SLC8A1: variants seen among roughly 807,000 people sequenced by gnomAD.
SLC8A1 encodes the protein solute carrier family 8 member A1.
A neutral mutation model predicts 68.3 loss-of-function variants in SLC8A1; 18 were observed. The ratio of observed to expected loss-of-function variants is 0.26; its 90% CI spans 0.18 to 0.39. The LOEUF is 0.39. Among genes scored for constraint, SLC8A1 ranks in the 10% least tolerant of loss-of-function variants. The pLI is 1.00. For missense variants in SLC8A1, 985 were observed against 1,156.7 expected, an observed-to-expected ratio of 0.85 and a Z score of 2.15; for synonymous variants, 475 against 415.5, an observed-to-expected ratio of 1.14 and a Z score of -1.74.
chr2:40,118,090 G>T (rs1202677467), intron 7 of SLC8A1, among the ~76,000 whole-genome samples: 1 of 152,172 alleles, frequency 6.6e-6, no homozygotes, highest in African/African-American at 2.4e-5. Context: ...ATGCTACACA[G>T]GCAACGTGTG....
chr2:40,439,966 T>G (rs549136828), intron 1 of SLC8A1, among the ~76,000 whole-genome samples: 2 of 152,284 alleles, frequency 1.3e-5, no homozygotes, highest in African/African-American at 4.8e-5. Context: ...ATTACAATAT[T>G]GTATAGTATA....
intron 2 of SLC8A1, among the ~76,000 whole-genome samples, chr2:40,252,693 G>A (rs1178603714): frequency 6.6e-6 from 1 of 151,874 alleles, no homozygotes; most frequent in East Asian, 1.9e-4. Flanking sequence ...CATAAAAGTT[G>A]CTTGCTTAGA....
chr2:40,103,540 C>A (rs1337289569), exon 8 of SLC8A1: 1 of 152,142 alleles, frequency 6.6e-6, no homozygotes. Context: ...AATTCACATA[C>A]TTTAGTAAAA....
intron 7 of SLC8A1, among the ~76,000 whole-genome samples, 153 bp downstream of exon 10, chr2:40,139,248 G>C (rs1232240314): frequency 6.6e-6 from 1 of 152,134 alleles, no homozygotes; most frequent in African/African-American, 2.4e-5. Context: ...CCATGACAAT[G>C]TTCCGGCAGT....
chr2:40,146,961 C>T lies in SLC8A1; in HGVS notation c.2162-7285G>A, dbSNP rs2042586273. On this transcript the variant is annotated intron_variant, in intron 6 of 7. Coordinates refer to ENST00000406785, the Ensembl canonical transcript of SLC8A1. ...AAGGCAACTCACTCTCTGTTAATAACTTTCAAACCTGGCTGAAATGAATGA... is the reference window on the plus strand; with the variant it reads ...AAGGCAACTCACTCTCTGTTAATAATTTTCAAACCTGGCTGAAATGAATGA... Among the ~76,000 whole-genome samples the T allele has an allele frequency of 2.6e-5, 4 of 152,162 alleles. No homozygotes were observed. In the South Asian group the frequency reaches 8.3e-4, roughly 32 times the overall value.
intron 2 of SLC8A1, among the ~76,000 whole-genome samples, chr2:40,290,061 G>A (rs2069016870): frequency 6.6e-6 from 1 of 151,950 alleles, no homozygotes; most frequent in African/African-American, 2.4e-5. Context: ...AATGACATAA[G>A]TCAATTTGGC....
intron 2 of SLC8A1, among the ~76,000 whole-genome samples, chr2:40,300,445 A>AT (rs1274277091): frequency 6.6e-6 from 1 of 152,168 alleles, no homozygotes; most frequent in African/African-American, 2.4e-5. Context: ...GTTCCATTCC[A>AT]TAAAAAAAAA....
intron 2 of SLC8A1, among the ~76,000 whole-genome samples, chr2:40,402,083 C>T (rs190407418): frequency 8.5e-4 from 130 of 152,222 alleles, no homozygotes; most frequent in East Asian, 3.9e-4. Flanking sequence ...AGTCACAGGA[C>T]GCGATACAGG....
At chr2:40,282,736 T>C (rs1447891226) in intron 2 of SLC8A1, among the ~76,000 whole-genome samples, 1 of 152,152 alleles carries the variant, frequency 6.6e-6, no homozygotes, top group Non-Finnish European at 1.5e-5. Flanking sequence ...GTCATCATTT[T>C]CTCTGTGTCC....
chr2:40,502,574 A>G (rs913088222), intron 1 of SLC8A1, among the ~76,000 whole-genome samples: 2 of 152,120 alleles, frequency 1.3e-5, no homozygotes, highest in African/African-American at 4.8e-5. Context: ...CAATAAGAAT[A>G]TAATTGCATT....
chr2:40,269,553 T>A (rs10190842), intron 2 of SLC8A1, among the ~76,000 whole-genome samples: 1 of 152,004 alleles, frequency 6.6e-6, no homozygotes, highest in Non-Finnish European at 1.5e-5. Flanking sequence ...CATAGGTTCA[T>A]GACCTGAAGA....
chr2:40,327,163 A>ATGCACAAATAAT (rs1373418111), intron 2 of SLC8A1, among the ~76,000 whole-genome samples: 62 of 152,318 alleles, frequency 4.1e-4, no homozygotes, highest in African/African-American at 1.4e-3. Flanking sequence ...GAAACCTATA[A>ATGCACAAATAAT]TGCACAAATA....
chr2:40,240,346 A>G (rs991624439), intron 2 of SLC8A1, among the ~76,000 whole-genome samples: 9 of 152,148 alleles, frequency 5.9e-5, no homozygotes, highest in Admixed American at 1.3e-4. Flanking sequence ...GATGAGGGGT[A>G]GAAAATACTC....
At position 40,335,417 on chromosome 2, in the gene SLC8A1, G is replaced by C. The variant is rs769594255; in HGVS notation, c.1808+93056C>G. Among the ~76,000 whole-genome samples the C allele has an allele frequency of 5.2e-4, 79 of 152,150 alleles. 3 individuals are homozygous for C. The highest frequency in any genetic ancestry group is 1.6e-4 in the Non-Finnish European group (11 of 68,024). On this transcript the variant is annotated intron_variant, in intron 2 of 7. Transcript: ENST00000406785. ...TGGAAAGCACACTCCCTGTAATTAA[G>C]CAAAAGTGGTTAGTCTATAACCATA...
chr2:40,439,128 C>G (rs896843444), intron 1 of SLC8A1, among the ~76,000 whole-genome samples: 1 of 151,896 alleles, frequency 6.6e-6, no homozygotes, highest in Non-Finnish European at 1.5e-5. Flanking sequence ...GAGGACAGAT[C>G]TTAATAGGAG....
At chr2:40,497,659 A>C (rs1486168250) in intron 1 of SLC8A1, among the ~76,000 whole-genome samples, 1 of 152,038 alleles carries the variant, frequency 6.6e-6, no homozygotes, top group East Asian at 1.9e-4. Context: ...AGTTCAGTGA[A>C]TCATAAGTAG....
At chr2:40,230,858 T>C (rs1485285226) in intron 2 of SLC8A1, among the ~76,000 whole-genome samples, 1 of 152,178 alleles carries the variant, frequency 6.6e-6, no homozygotes, top group Non-Finnish European at 1.5e-5. Flanking sequence ...TTGCCTCATA[T>C]GGGAGGGAGT....
chr2:40,208,947 T>C (rs2056033154), intron 2 of SLC8A1: 1 of 152,152 alleles, frequency 6.6e-6, no homozygotes, highest in Non-Finnish European at 1.5e-5. Flanking sequence ...CAGACATCAT[T>C]CATTTAGTAA....
At chr2:40,309,108 ATTG>A (rs941432573) in intron 2 of SLC8A1, among the ~76,000 whole-genome samples, 3 of 152,094 alleles carry the variant, frequency 2.0e-5, no homozygotes, top group Admixed American at 2.0e-4. Flanking sequence ...CTGTTTTGTT[ATTG>A]TTGATGTTTC....
Sources: gnomAD v4.1 joint callset for allele counts (sites outside exome capture counted in the v4.1 genomes callset) on GRCh38, gnomAD v4.1.1 for gene constraint, MANE v1.5 for transcripts, NCBI Gene and HGNC (gene_info 2026-07-23, HGNC 2026-07-21) for gene names.